Variants in ACAP1 observed in about 807,000 individuals in gnomAD.
ACAP1 encodes ArfGAP with coiled-coil, ankyrin repeat and PH domains 1.
Under a neutral mutation model 98.8 loss-of-function variants are expected in ACAP1, and 45 were observed. The ratio of observed to expected loss-of-function variants is 0.46; its 90% CI spans 0.36 to 0.58. The LOEUF is 0.58. ACAP1 is among the 20% of genes least tolerant of loss of function. The pLI, the probability that ACAP1 is intolerant of heterozygous loss-of-function variation, is 0.00. For synonymous variants in ACAP1, 362 were observed against 375.3 expected, an observed-to-expected ratio of 0.96 and a Z score of 0.41; for missense variants, 735 against 971.4, an observed-to-expected ratio of 0.76 and a Z score of 3.24.
Position 7,344,696 on chromosome 17 carries a change from T to A in ACAP1, c.854+48T>A, listed in dbSNP as rs1306347484. 7.1e-7 allele frequency: 1 copy of A among 1,400,520 alleles called. No homozygotes were observed. Among genetic ancestry groups the A allele is most frequent in the South Asian group, 1.2e-5 (1 of 80,984 alleles). 86.8% of individuals were successfully genotyped at this position (1,400,520 alleles called of 1,614,324 possible). A position where few individuals can be genotyped will look rare whatever the true frequency, so the allele number is the denominator to read the frequency against. ...CAGCCCGCCCCACCCAATGATGTAT[T>A]TTCGAGTGGTAATAGCACACTAAGC... is the stretch of plus-strand genomic sequence containing the variant. On this transcript the variant is annotated intron_variant, in intron 10 of 21. Coordinates refer to ENST00000158762, the MANE Select transcript of ACAP1 (RefSeq NM_014716.4). This position sits in a 1 kb window ranked among gnomAD's most constrained non-coding sequence, Gnocchi z 4.9.
At position 7,344,647 on chromosome 17, in the gene ACAP1, A is replaced by T; in HGVS notation, c.853A>T (p.Arg285Ter). The change falls in exon 10 of 22, where the codon AGA (arginine) becomes TGA (stop). Residue 285 changes from arginine (R) to a stop codon, truncating the protein, a stop_gained and splice_region_variant. Coordinates refer to ENST00000158762, the MANE Select transcript of ACAP1 (RefSeq NM_014716.4). LOFTEE classifies it high-confidence loss of function. This position sits in a 1 kb window ranked among gnomAD's most constrained non-coding sequence, Gnocchi z 4.9. ...RASNAFKTWS[R>*]RWFTIQSNQL... ...CAGCAACGCATTTAAGACCTGGAGC[A>T]GGTGAGGAGAGGACACCCCCAATCA... 6.5e-7 allele frequency: 1 copy of T among 1,549,702 alleles called. No individual in the cohort carries two copies. The highest frequency in any genetic ancestry group is 1.2e-5 in the South Asian group (1 of 84,038).
In ACAP1 at chr17:7,343,533, C is replaced by T. The variant is rs772255797; in HGVS notation, c.499C>T (p.Arg167Trp). 2.7e-5 allele frequency: 44 copies of T among 1,613,594 alleles called. No homozygotes were observed. Among genetic ancestry groups the T allele is most frequent in the South Asian group, 4.4e-5 (4 of 91,072 alleles). Residue 167 changes from arginine (R) to tryptophan (W), a missense_variant, in exon 6 of 22, where the codon CGG (arginine) becomes TGG (tryptophan). This residue lies in a region of ACAP1 where 430 missense variants were observed against 531.8 expected (regional missense o/e 0.81). Transcript: ENST00000158762. This position sits in a 1 kb window ranked among gnomAD's most constrained non-coding sequence, Gnocchi z 4.9. The stretch of plus-strand genomic sequence containing the variant: ...TTTGAGGACGGCTCGAGCTGGGTAC[C>T]GGGGACGGGCACTGGATTATGCCCT... Reference protein sequence around the residue: ...AALRTARAGYRGRALDYALQI... With the variant: ...AALRTARAGYWGRALDYALQI...
At chr17:7,345,319 CTTT>C in intron 10 of ACAP1, 1 of 147,072 alleles carries the variant, frequency 6.8e-6, no homozygotes. Flanking sequence ...TTTTTCTTTT[CTTT>C]TTTTTTTTCT....
intron 2 of ACAP1, among the ~76,000 whole-genome samples, chr17:7,338,012 A>C (rs2073238585): frequency 1.3e-5 from 2 of 152,204 alleles, no homozygotes; most frequent in Admixed American, 1.3e-4. Context: ...AATTCAAGAC[A>C]GTAAGGTGTC....
At chr17:7,347,324 C>A in intron 14 of ACAP1, 82 bp downstream of exon 14, 1 of 1,299,702 alleles carries the variant, frequency 7.7e-7, no homozygotes. Context: ...ACACCGGCCC[C>A]TCTTCCTTCC....
rs748026022 is a variant in ACAP1, at chr17:7,343,422, G to C, written c.388G>C (p.Gly130Arg). The change falls in exon 6 of 22, where the codon GGG (glycine) becomes CGG (arginine). Residue 130 changes from glycine to arginine, a missense_variant. Gly to Arg is a moderately radical substitution (Grantham distance 125). This residue lies in a region of ACAP1 where 430 missense variants were observed against 531.8 expected (regional missense o/e 0.81). Transcript: ENST00000158762. This position sits in a 1 kb window ranked among gnomAD's most constrained non-coding sequence, Gnocchi z 4.9. ...AGAGGCTCGCCGGGATTTCTGGCGGGGGGCTGAGAGCCTGGAGGCTGCCCT... is the reference window on the plus strand; with the variant it reads ...AGAGGCTCGCCGGGATTTCTGGCGGCGGGCTGAGAGCCTGGAGGCTGCCCT... ...FREARRDFWRGAESLEAALTH... is the reference protein window; with the variant it reads ...FREARRDFWRRAESLEAALTH... 6.2e-6 allele frequency: 10 copies of C among 1,613,898 alleles called. No homozygotes were observed. The highest frequency in any genetic ancestry group is 8.5e-6 in the Non-Finnish European group (10 of 1,179,956).
intron 18 of ACAP1, 67 bp downstream of exon 18, chr17:7,349,234 T>G: frequency 2.6e-6 from 4 of 1,539,876 alleles, no homozygotes; most frequent in Non-Finnish European, 2.7e-6. Context: ...CTCTGGGCCC[T>G]GCCCTTACCT....
At chr17:7,349,724 T>C (rs2073384004) in intron 18 of ACAP1, 1 of 483,704 alleles carries the variant, frequency 2.1e-6, no homozygotes, top group Non-Finnish European at 3.6e-6. Context: ...ATCTGTAAAA[T>C]AGTAACATAC....
At chr17:7,347,764 T>G (rs996666269) in intron 14 of ACAP1, 158 bp from the exon 15 acceptor site, 1 of 634,392 alleles carries the variant, frequency 1.6e-6, no homozygotes, top group Non-Finnish European at 2.8e-6. Flanking sequence ...CAAGGCTACA[T>G]GGCGGTTACA....
intron 14 of ACAP1, 155 bp downstream of exon 14, chr17:7,347,397 C>T (rs1013041548): frequency 1.3e-6 from 1 of 770,658 alleles, no homozygotes; most frequent in Admixed American, 3.3e-5. Context: ...GGGCCCAAGC[C>T]TCTGGGGTGC....
At chr17:7,347,893 G>C (rs1325453641) in intron 14 of ACAP1, 29 bp from the exon 15 acceptor site, 1 of 1,608,186 alleles carries the variant, frequency 6.2e-7, no homozygotes, top group East Asian at 2.2e-5. Context: ...CCCTGCACAG[G>C]GCCTGACCCT....
At chr17:7,342,820 A>G (rs1480953287) in intron 5 of ACAP1, 2 of 354,074 alleles carry the variant, frequency 5.6e-6, no homozygotes, top group African/African-American at 2.1e-5. Flanking sequence ...AGGCAGGAGA[A>G]TCATTTGAAC....
At chr17:7,349,235 G>A in intron 18 of ACAP1, 68 bp downstream of exon 18, 1 of 1,548,592 alleles carries the variant, frequency 6.5e-7, no homozygotes, top group Non-Finnish European at 8.8e-7. Context: ...TCTGGGCCCT[G>A]CCCTTACCTC....
At position 7,336,780 on chromosome 17, in the gene ACAP1, C is replaced by T. The variant is rs1323809366; in HGVS notation, c.46C>T (p.Arg16Cys). 4 of 1,613,900 alleles carry T rather than the reference C, an allele frequency of 2.5e-6. No homozygotes were observed. Among genetic ancestry groups the T allele is most frequent in the South Asian group, 2.2e-5 (2 of 91,084 alleles). The change falls in exon 1 of 22, where the codon CGT becomes TGT. Residue 16 changes from arginine to cysteine, a missense_variant. By Grantham distance (180) the Arg-to-Cys change is radical. This residue lies in a region of ACAP1 where 430 missense variants were observed against 531.8 expected (regional missense o/e 0.81). Transcript: ENST00000158762. ...CGAGGAGTGTCTCAAGGACTCACCC[C>T]GTTTCCGGTAAGTGTGAACTGGTCT... is the stretch of plus-strand genomic sequence containing the variant. ...DFEECLKDSP[R>C]FRASIELVEA...
intron 1 of ACAP1, 38 bp from the exon 2 acceptor site, chr17:7,337,274 G>A: frequency 6.2e-7 from 1 of 1,605,686 alleles, no homozygotes; most frequent in East Asian, 2.2e-5. Flanking sequence ...CAGACCAGAT[G>A]GACCCAAGCT....
rs2073221476 is a variant in ACAP1, at chr17:7,336,609, C to T, written c.-126C>T. The T allele has an allele frequency of 1.0e-6, 1 of 987,668 alleles. No homozygotes were observed. The highest frequency in any genetic ancestry group is 1.8e-5 in the Admixed American group (1 of 56,530). 61.2% of individuals were successfully genotyped at this position (987,668 alleles called of 1,614,324 possible). A position where few individuals can be genotyped will look rare whatever the true frequency, so the allele number is the denominator to read the frequency against. ...GGGGAAAGAATTGTGCCCCCAGGCC[C>T]TTCCCCGCGGAGGTCCCTCTCCTCC... On this transcript the variant is annotated 5_prime_UTR_variant, in exon 1 of 22. Coordinates refer to ENST00000158762, the MANE Select transcript of ACAP1 (RefSeq NM_014716.4).
intron 18 of ACAP1, 117 bp downstream of exon 18, chr17:7,349,284 G>C (rs1227229043): frequency 1.9e-5 from 22 of 1,138,378 alleles, no homozygotes; most frequent in Non-Finnish European, 2.6e-5. Flanking sequence ...TCCACCCATA[G>C]GGAGAGATCA....
intron 2 of ACAP1, 111 bp from the exon 3 acceptor site, chr17:7,341,837 G>A (rs2073282805): frequency 3.3e-6 from 5 of 1,515,288 alleles, no homozygotes; most frequent in Non-Finnish European, 4.5e-6. Context: ...GGCCAGGCAG[G>A]AATAGGGGAG....
At chr17:7,340,860 A>C (rs1156343192) in intron 2 of ACAP1, among the ~76,000 whole-genome samples, 1 of 152,134 alleles carries the variant, frequency 6.6e-6, no homozygotes, top group Non-Finnish European at 1.5e-5. Context: ...ATAGAAAAAT[A>C]AAAAGAGATG....
Sources: allele counts gnomAD v4.1 joint callset (sites outside exome capture counted in the v4.1 genomes callset), GRCh38; gene constraint gnomAD v4.1.1; regional missense constraint gnomAD v4.1.1; non-coding constraint Gnocchi (gnomAD v3.1); transcripts MANE v1.5; gene names NCBI Gene and HGNC (gene_info 2026-07-23, HGNC 2026-07-21).